ASIC2: variants seen among roughly 807,000 people sequenced by gnomAD.
The protein encoded by ASIC2 is acid sensing ion channel subunit 2.
A neutral mutation model predicts 57.3 loss-of-function variants in ASIC2; 25 were observed. The observed-to-expected ratio is 0.44, with a 90% confidence interval of 0.32 to 0.61. ASIC2 has a LOEUF of 0.61. Among genes scored for constraint, ASIC2 ranks in the 20% least tolerant of loss-of-function variants. ASIC2 has a pLI of 0.06. For missense variants in ASIC2, 641 were observed against 738.1 expected (o/e 0.87, Z 1.52); for synonymous variants, 319 against 307.5 (o/e 1.04, Z -0.39).
intron 1 of ASIC2, among the ~76,000 whole-genome samples, chr17:33,221,333 A>G (rs1369271563): frequency 6.6e-6 from 1 of 152,198 alleles, no homozygotes; most frequent in East Asian, 1.9e-4. Context: ...AAATTCAGCA[A>G]ATGATCTGGC....
chr17:33,507,707 G>C (rs1485353129), intron 1 of ASIC2, among the ~76,000 whole-genome samples: 1 of 152,116 alleles, frequency 6.6e-6, no homozygotes, highest in Non-Finnish European at 1.5e-5. Context: ...TTCAAGACTA[G>C]CTTGGCTAAC....
chr17:33,390,947 A>G (rs1007521513), intron 1 of ASIC2, among the ~76,000 whole-genome samples: 1 of 152,352 alleles, frequency 6.6e-6, no homozygotes, highest in Non-Finnish European at 1.5e-5. Flanking sequence ...GGAGGAAGAG[A>G]TCACTGGAGC....
chr17:34,148,226 T>C (rs1904368908), intron 1 of ASIC2, among the ~76,000 whole-genome samples: 1 of 152,218 alleles, frequency 6.6e-6, no homozygotes, highest in Non-Finnish European at 1.5e-5. Context: ...TAGGAACTTG[T>C]GCAGTAGCTT....
chr17:33,583,291 C>A (rs1904502485), intron 1 of ASIC2, among the ~76,000 whole-genome samples: 1 of 147,224 alleles, frequency 6.8e-6, no homozygotes, highest in African/African-American at 2.6e-5. Context: ...CCACAGCAAA[C>A]CTTGCTCACT....
At chr17:33,145,334 G>A (rs1169605828) in intron 1 of ASIC2, among the ~76,000 whole-genome samples, 1 of 152,210 alleles carries the variant, frequency 6.6e-6, no homozygotes, top group Non-Finnish European at 1.5e-5. Flanking sequence ...GCGTTGCCAT[G>A]CACCTCGTCC....
intron 1 of ASIC2, among the ~76,000 whole-genome samples, chr17:33,919,983 C>T (rs573264876): frequency 1.7e-4 from 26 of 152,216 alleles, no homozygotes; most frequent in African/African-American, 6.0e-4. Flanking sequence ...CCATCTCACA[C>T]GAGTCAGAAA....
intron 1 of ASIC2, among the ~76,000 whole-genome samples, chr17:33,573,593 T>G (rs1454880821): frequency 1.3e-5 from 2 of 152,132 alleles, no homozygotes; most frequent in Admixed American, 6.5e-5. Context: ...CAAGACAGAG[T>G]CTTGCTCTGT....
intron 1 of ASIC2, among the ~76,000 whole-genome samples, chr17:33,817,428 C>T (rs952126032): frequency 5.3e-5 from 8 of 152,176 alleles, no homozygotes; most frequent in African/African-American, 1.9e-4. Flanking sequence ...AGTTCTGTGT[C>T]TCTAACCTGC....
At chr17:33,779,009 C>A (rs778700337) in intron 1 of ASIC2, among the ~76,000 whole-genome samples, 1 of 152,146 alleles carries the variant, frequency 6.6e-6, no homozygotes, top group Non-Finnish European at 1.5e-5. Flanking sequence ...CCTTACAGTG[C>A]TAGTGTGGTG....
chr17:33,952,360 C>T (rs1303434192), intron 1 of ASIC2, among the ~76,000 whole-genome samples: 1 of 152,164 alleles, frequency 6.6e-6, no homozygotes, highest in African/African-American at 2.4e-5. Flanking sequence ...AGGCCCATCT[C>T]TTATATGCGG....
intron 1 of ASIC2, among the ~76,000 whole-genome samples, chr17:33,593,247 C>T (rs1283175973): frequency 1.3e-5 from 2 of 152,168 alleles, no homozygotes; most frequent in Non-Finnish European, 2.9e-5. Context: ...GAACATCTGG[C>T]TGATAAATGA....
At chr17:33,888,605 G>A (rs896193540) in intron 1 of ASIC2, among the ~76,000 whole-genome samples, 2 of 152,252 alleles carry the variant, frequency 1.3e-5, no homozygotes, top group South Asian at 4.2e-4. Context: ...GCAGGGACCG[G>A]GGTGTGGTGA....
At chr17:33,800,617 C>T (rs1597881609) in intron 1 of ASIC2, among the ~76,000 whole-genome samples, 1 of 152,172 alleles carries the variant, frequency 6.6e-6, no homozygotes, top group Non-Finnish European at 1.5e-5. Context: ...GGACCACTCA[C>T]ACCCACAGTA....
At chr17:34,049,554 C>T (rs2142052162) in intron 1 of ASIC2, among the ~76,000 whole-genome samples, 1 of 152,276 alleles carries the variant, frequency 6.6e-6, no homozygotes, top group Admixed American at 6.5e-5. Context: ...TCAAGCCCAT[C>T]CTCCCCAGTG....
chr17:33,997,945 T>G (rs571973554), intron 1 of ASIC2, among the ~76,000 whole-genome samples: 1 of 152,224 alleles, frequency 6.6e-6, no homozygotes, highest in Admixed American at 6.5e-5. Context: ...TTGAGAAGAA[T>G]TGGCATTATT....
At chr17:33,594,195 C>T (rs1482632631) in intron 1 of ASIC2, among the ~76,000 whole-genome samples, 1 of 152,244 alleles carries the variant, frequency 6.6e-6, no homozygotes, top group Non-Finnish European at 1.5e-5. Flanking sequence ...TGGCATTCTG[C>T]CCTATTCTGA....
chr17:33,140,063 T>C (rs1177270677), intron 1 of ASIC2, among the ~76,000 whole-genome samples: 1 of 152,212 alleles, frequency 6.6e-6, no homozygotes, highest in Non-Finnish European at 1.5e-5. Flanking sequence ...TACCTGGGGA[T>C]AGTAAGAAGA....
At chr17:33,191,128 G>T (rs1157327638) in intron 1 of ASIC2, among the ~76,000 whole-genome samples, 1 of 152,088 alleles carries the variant, frequency 6.6e-6, no homozygotes, top group Non-Finnish European at 1.5e-5. Flanking sequence ...CTACACAATA[G>T]AAATATGTCT....
chr17:33,658,321 A>C (rs1375795059), intron 1 of ASIC2, among the ~76,000 whole-genome samples: 4 of 152,182 alleles, frequency 2.6e-5, no homozygotes, highest in Non-Finnish European at 5.9e-5. Context: ...CCTTTTGGCC[A>C]ATGGGGAAAG....
Sources: gnomAD v4.1 joint callset for allele counts (sites outside exome capture counted in the v4.1 genomes callset) on GRCh38, gnomAD v4.1.1 for gene constraint, MANE v1.5 for transcripts, NCBI Gene and HGNC (gene_info 2026-07-23, HGNC 2026-07-21) for gene names.